The following NDUFA12 variants were observed in gnomAD, a reference collection of about 807,000 sequenced individuals.
The protein encoded by NDUFA12 is NADH:ubiquinone oxidoreductase subunit A12, also known as NADH dehydrogenase [ubiquinone] 1 alpha subcomplex subunit 12.
In NDUFA12, 17 loss-of-function variants were observed where a neutral mutation model predicts 20.3. The observed-to-expected ratio is 0.84, with a 90% confidence interval of 0.57 to 1.26. The LOEUF is 1.26. Ranked by LOEUF, NDUFA12 falls within the 50% of genes most tolerant of loss-of-function variation. The pLI is 0.00. For missense variants in NDUFA12, 191 were observed against 183.7 expected (o/e 1.04, Z -0.23); for synonymous variants, 72 against 63.6 (o/e 1.13, Z -0.63).
intron 3 of NDUFA12, among the ~76,000 whole-genome samples, chr12:94,991,371 T>C (rs1874638807): frequency 6.6e-6 from 1 of 151,992 alleles, no homozygotes; most frequent in Non-Finnish European, 1.5e-5. Flanking sequence ...TCCGTCATTG[T>C]GAAAAGTTCT....
chr12:95,003,652 C>T lies in NDUFA12; in HGVS notation c.29G>A (p.Gly10Glu). 6.2e-7 allele frequency: 1 copy of T among 1,614,178 alleles called. No individual in the cohort carries two copies. The highest frequency in any genetic ancestry group is 8.5e-7 in the Non-Finnish European group (1 of 1,180,034). ...GCCGTGGCCGGTGATCTGCTGCAGC[C>T]CGCGTTTCAGGACCTGCACTAACTC... MELVQVLKR[G>E]LQQITGHGGL... The change falls in exon 1 of 4, where the codon GGG becomes GAG. Residue 10 changes from glycine (G) to glutamate (E), a missense_variant. Gly to Glu is a moderately conservative substitution (Grantham distance 98). Coordinates refer to ENST00000327772, the MANE Select transcript of NDUFA12 (RefSeq NM_018838.5).
intron 2 of NDUFA12, among the ~76,000 whole-genome samples, chr12:95,001,737 G>A (rs182141582): frequency 7.5e-4 from 114 of 152,192 alleles, no homozygotes; most frequent in African/African-American, 2.3e-3. Context: ...TAAGAGTCTC[G>A]CTCTGTTGCC....
chr12:94,997,477 G>A (rs1275080550), intron 2 of NDUFA12: 2 of 152,086 alleles, frequency 1.3e-5, no homozygotes, highest in Non-Finnish European at 2.9e-5. Context: ...TTGTTCCCCT[G>A]GATGAAGACT....
chr12:94,983,392 C>T (rs976674743), intron 3 of NDUFA12, among the ~76,000 whole-genome samples: 5 of 152,166 alleles, frequency 3.3e-5, no homozygotes, highest in South Asian at 2.1e-4. Flanking sequence ...GTTCCTTCCA[C>T]CTTGGTCTGG....
At chr12:94,971,709 T>C (rs1873892149) in intron 3 of NDUFA12, 89 bp from the exon 4 acceptor site, 1 of 1,470,386 alleles carries the variant, frequency 6.8e-7, no homozygotes, top group Admixed American at 1.7e-5. Context: ...GGAACTATTT[T>C]GTTGCTTGGG....
chr12:94,994,734 T>C (rs1023120897), intron 2 of NDUFA12, among the ~76,000 whole-genome samples: 7 of 152,320 alleles, frequency 4.6e-5, no homozygotes, highest in Non-Finnish European at 2.9e-5. Flanking sequence ...TTATATACAA[T>C]AAGCAAACAT....
intron 2 of NDUFA12, among the ~76,000 whole-genome samples, chr12:95,000,629 A>C (rs988202691): frequency 3.9e-5 from 6 of 152,194 alleles, no homozygotes; most frequent in African/African-American, 1.2e-4. Flanking sequence ...GGGTTAGGGA[A>C]GTTAATTAAG....
chr12:94,994,063 G>T, intron 3 of NDUFA12, 107 bp downstream of exon 3: 1 of 993,172 alleles, frequency 1.0e-6, no homozygotes, highest in South Asian at 1.4e-5. Context: ...GGTCAAAGCT[G>T]ACATGAGTCA....
In NDUFA12 at chr12:94,980,854, C is replaced by T. The variant is rs78818989; in HGVS notation, c.258-9234G>A. The stretch of plus-strand genomic sequence containing the variant: ...ACTTGGTTCAAAGGACTTCAAGGTT[C>T]CAATACTTCAAACCACAAAAAGCAC... On this transcript the variant is annotated intron_variant, in intron 3 of 3. Transcript: ENST00000327772. Among the ~76,000 whole-genome samples, 500 of 151,742 alleles carry T rather than the reference C, an allele frequency of 3.3e-3. 6 individuals carry two copies. The highest frequency in any genetic ancestry group is 0.012 in the African/African-American group (485 of 41,416).
At chr12:94,975,854 G>A (rs960442329) in intron 3 of NDUFA12, among the ~76,000 whole-genome samples, 1 of 152,094 alleles carries the variant, frequency 6.6e-6, no homozygotes, top group African/African-American at 2.4e-5. Context: ...TTCGAGACCA[G>A]CCTGGGCAAC....
At chr12:94,995,554 G>A (rs1218365920) in intron 2 of NDUFA12, among the ~76,000 whole-genome samples, 1 of 152,106 alleles carries the variant, frequency 6.6e-6, no homozygotes, top group Non-Finnish European at 1.5e-5. Flanking sequence ...ATTGGAGACG[G>A]AGTCTCGCTC....
chr12:94,972,162 A>G (rs1436716626), intron 3 of NDUFA12, among the ~76,000 whole-genome samples: 1 of 152,148 alleles, frequency 6.6e-6, no homozygotes, highest in South Asian at 2.1e-4. Context: ...TTCTGAGCTC[A>G]AGGGATCTTC....
chr12:95,002,862 C>T, intron 1 of NDUFA12, 41 bp from the exon 2 acceptor site: 1 of 1,533,736 alleles, frequency 6.5e-7, no homozygotes, highest in Non-Finnish European at 9.0e-7. Flanking sequence ...TAGAATGATT[C>T]TTAGTTCAAA....
At chr12:94,980,686 C>T (rs191904502) in intron 3 of NDUFA12, among the ~76,000 whole-genome samples, 17 of 151,914 alleles carry the variant, frequency 1.1e-4, no homozygotes, top group Middle Eastern at 3.4e-3. Context: ...AATCAATGTA[C>T]GAGGAGAGAC....
chr12:94,983,039 G>A (rs974081952), intron 3 of NDUFA12, among the ~76,000 whole-genome samples: 5 of 151,996 alleles, frequency 3.3e-5, no homozygotes, highest in African/African-American at 7.3e-5. Flanking sequence ...TCACGTGGTC[G>A]TCTATCAAGC....
chr12:94,971,477 ATCT>A lies in NDUFA12; in HGVS notation c.398_400del (p.Lys133del), dbSNP rs561604238. ...TGTTGAAGGTGGGATCCACTCCTGA[ATCT>A]TCTTTCTAGTGGTAGAATAAGGTAC... is the stretch of plus-strand genomic sequence containing the variant. On this transcript the variant is annotated inframe_deletion, in exon 4 of 4. Transcript: ENST00000327772. 1.5e-3 allele frequency: 2,353 copies of A among 1,614,170 alleles called. 4 individuals are homozygous for A. Among genetic ancestry groups the A allele is most frequent in the Non-Finnish European group, 1.9e-3 (2,191 of 1,180,016 alleles).
chr12:94,996,136 A>AG (rs1293879254), intron 2 of NDUFA12, among the ~76,000 whole-genome samples: 1 of 149,576 alleles, frequency 6.7e-6, no homozygotes, highest in African/African-American at 2.5e-5. Flanking sequence ...TGAGCACGGG[A>AG]GGCAGAGGTT....
chr12:94,994,305 G>T, intron 2 of NDUFA12, 48 bp from the exon 3 acceptor site: 2 of 1,333,998 alleles, frequency 1.5e-6, no homozygotes, highest in Non-Finnish European at 2.1e-6. Flanking sequence ...TTTTTTTAAA[G>T]CATAGATGCA....
chr12:94,996,620 C>T (rs2136071343), intron 2 of NDUFA12, among the ~76,000 whole-genome samples: 1 of 151,822 alleles, frequency 6.6e-6, no homozygotes, highest in South Asian at 2.1e-4. Context: ...GAGTTCAAGA[C>T]CAGCCTGACC....
Sources: allele counts gnomAD v4.1 joint callset (sites outside exome capture counted in the v4.1 genomes callset), GRCh38; gene constraint gnomAD v4.1.1; transcripts MANE v1.5; gene names NCBI Gene and HGNC (gene_info 2026-07-23, HGNC 2026-07-21).